The following ZBED6 variants were observed in gnomAD, a reference collection of about 807,000 sequenced individuals.
ZBED6 encodes zinc finger BED-type containing 6.
Under a neutral mutation model 58.4 loss-of-function variants are expected in ZBED6, and 40 were observed. The ratio of observed to expected loss-of-function variants is 0.68; its 90% CI spans 0.53 to 0.89. The LOEUF is 0.89. ZBED6 is among the 40% of genes least tolerant of loss of function. The probability of loss-of-function intolerance (pLI) is 0.00; values close to 1 mark genes in which losing one functional copy is unlikely to be tolerated. For synonymous variants in ZBED6, 439 were observed against 350.6 expected, an observed-to-expected ratio of 1.25 and a Z score of -2.82; for missense variants, 1,057 against 1,003.9, an observed-to-expected ratio of 1.05 and a Z score of -0.71.
exon 1 of ZBED6, chr1:203,797,777 T>G: frequency 6.5e-7 from 1 of 1,535,996 alleles, no homozygotes; most frequent in Non-Finnish European, 8.7e-7. Context: ...CCAAAAAGTT[T>G]AGTAAGGATT....
chr1:203,837,642 TTTTTA>T (rs765212484), intron 9 of ZBED6, among the ~76,000 whole-genome samples: 57 of 152,054 alleles, frequency 3.7e-4, no homozygotes, highest in Admixed American at 3.9e-4. Context: ...GCCTGACTAT[TTTTTA>T]TTTTAATTGT....
chr1:203,849,670 A>G (rs1688797946), intron 13 of ZBED6, 41 bp from the exon 14 acceptor site: 5 of 1,586,264 alleles, frequency 3.2e-6, no homozygotes, highest in Non-Finnish European at 3.5e-6. Flanking sequence ...AGGTTATTAG[A>G]GGTACCAGAT....
rs1473997457 is a variant in ZBED6 at position 203,795,728 on chromosome 1, A to T, written c.-1795A>T. On this transcript the variant is annotated 5_prime_UTR_variant, in exon 1 of 17. The change creates a new upstream start codon in the 5' untranslated region. Transcript: ENST00000550078. ...GACGGACGGCAGCGGCCAAGCAAGA[A>T]GAAAGACGTGGCAGCAAGCGGGAGT... is the stretch of plus-strand genomic sequence containing the variant. The T allele has an allele frequency of 6.6e-6, 1 of 152,248 alleles. No individual in the cohort carries two copies. Among genetic ancestry groups the T allele is most frequent in the Admixed American group, 6.5e-5 (1 of 15,282 alleles). The allele number at this position is 152,248 out of a possible 1,614,324, so 9.4% of individuals were successfully genotyped here.
chr1:203,798,061 A>G, exon 1 of ZBED6: 2 of 1,536,016 alleles, frequency 1.3e-6, no homozygotes, highest in Non-Finnish European at 1.7e-6. Flanking sequence ...CAAGCAAGGC[A>G]TTCACCTCAT....
chr1:203,850,971 A>G, intron 15 of ZBED6, 86 bp from the exon 16 acceptor site: 1 of 1,485,696 alleles, frequency 6.7e-7, no homozygotes, highest in South Asian at 1.2e-5. Flanking sequence ...CATAGCCACA[A>G]TTCTAAGAAG....
chr1:203,798,290 T>A (rs1338321297), exon 1 of ZBED6: 3 of 1,536,026 alleles, frequency 2.0e-6, no homozygotes, highest in Non-Finnish European at 2.6e-6. Flanking sequence ...TTGTCAAGCA[T>A]GCTTTAATTC....
chr1:203,851,242 A>G (rs1415802552), intron 16 of ZBED6, 118 bp downstream of exon 16: 7 of 880,242 alleles, frequency 8.0e-6, no homozygotes, highest in South Asian at 5.4e-5. Context: ...TTGCACTTCA[A>G]ATTAATTGCA....
intron 3 of ZBED6, 113 bp downstream of exon 3, chr1:203,818,802 G>A (rs1677224584): frequency 6.7e-7 from 1 of 1,490,324 alleles, no homozygotes; most frequent in Non-Finnish European, 9.0e-7. Context: ...GAGTGCAGTG[G>A]CTCATGCCTG....
chr1:203,818,039 G>A (rs1250324414), intron 2 of ZBED6, among the ~76,000 whole-genome samples: 2 of 151,992 alleles, frequency 1.3e-5, no homozygotes, highest in African/African-American at 4.8e-5. Context: ...GAGCCCCCAC[G>A]CCCGGTGATA....
chr1:203,846,598 G>C (rs568446106), intron 11 of ZBED6, among the ~76,000 whole-genome samples: 1 of 152,120 alleles, frequency 6.6e-6, no homozygotes, highest in Non-Finnish European at 1.5e-5. Flanking sequence ...ATTACATGTG[G>C]ACAGAGATTT....
rs565360886 is a variant in ZBED6 at position 203,832,351 on chromosome 1, G to A, written c.*3510+580G>A. On this transcript the variant is annotated intron_variant, in intron 8 of 16. Coordinates refer to ENST00000550078, the Ensembl canonical transcript of ZBED6. ...GCTGGGATTACAGGTGTGAGCCACC[G>A]TTCTTGGCCATTAATTTTTTTTTTT... Among the ~76,000 whole-genome samples, 139 of 151,396 alleles carry A rather than the reference G, an allele frequency of 9.2e-4. 2 individuals are homozygous for A. In the South Asian group the frequency reaches 0.014, roughly 16 times the overall value.
chr1:203,801,289 A>T (rs989754568), exon 1 of ZBED6: 1 of 152,182 alleles, frequency 6.6e-6, no homozygotes, highest in African/African-American at 2.4e-5. Context: ...AATTTTAGGT[A>T]ATCTTTTTAA....
intron 11 of ZBED6, 58 bp downstream of exon 11, chr1:203,840,432 G>A: frequency 6.5e-7 from 1 of 1,539,808 alleles, no homozygotes; most frequent in Non-Finnish European, 8.8e-7. Context: ...AAGAGCCTTT[G>A]CTTTTTCTCA....
intron 2 of ZBED6, among the ~76,000 whole-genome samples, chr1:203,818,242 T>C (rs1677029823): frequency 6.6e-6 from 1 of 152,144 alleles, no homozygotes; most frequent in African/African-American, 2.4e-5. Flanking sequence ...AAAGCTAGAG[T>C]TACACAAGGC....
intron 2 of ZBED6, among the ~76,000 whole-genome samples, chr1:203,817,572 A>G (rs2102778136): frequency 6.6e-6 from 1 of 152,238 alleles, no homozygotes; most frequent in African/African-American, 2.4e-5. Flanking sequence ...CTAAGAATAT[A>G]GAGTCATCAT....
At chr1:203,813,402 T>G (rs1675187722) in intron 1 of ZBED6, among the ~76,000 whole-genome samples, 1 of 152,130 alleles carries the variant, frequency 6.6e-6, no homozygotes, top group African/African-American at 2.4e-5. Flanking sequence ...GAAAACCAAT[T>G]TATTGGTTTT....
At chr1:203,851,025 C>G (rs1689121918) in intron 15 of ZBED6, 32 bp from the exon 16 acceptor site, 1 of 1,610,486 alleles carries the variant, frequency 6.2e-7, no homozygotes. Flanking sequence ...AAGCCTGACT[C>G]TCACTGAATT....
At chr1:203,831,008 C>T (rs1682161150) in intron 7 of ZBED6, among the ~76,000 whole-genome samples, 1 of 125,844 alleles carries the variant, frequency 7.9e-6, no homozygotes, top group Non-Finnish European at 1.6e-5. Context: ...TGCAATGGCG[C>T]AATCTTTGCT....
Position 203,819,282 on chromosome 1 carries a change from C to T in ZBED6, c.*2873+593C>T, listed in dbSNP as rs1469339990. Among the ~76,000 whole-genome samples the T allele has an allele frequency of 5.4e-5, 8 of 147,434 alleles. No individual in the cohort carries two copies. In the South Asian group the frequency reaches 6.4e-4, roughly 12 times the overall value. On this transcript the variant is annotated intron_variant, in intron 3 of 16. Transcript: ENST00000550078. Reference sequence around the variant, plus strand: ...TGTCGCCCACGCTGGAGTGCAGTGGCGCAATCTCTGCTTACTGCAACCTCC... The same window carrying T: ...TGTCGCCCACGCTGGAGTGCAGTGGTGCAATCTCTGCTTACTGCAACCTCC...
Sources: allele counts gnomAD v4.1 joint callset (sites outside exome capture counted in the v4.1 genomes callset), GRCh38; gene constraint gnomAD v4.1.1; transcripts MANE v1.5; gene names NCBI Gene and HGNC (gene_info 2026-07-23, HGNC 2026-07-21).